ZNF439: variants seen among roughly 807,000 people sequenced by gnomAD.
ZNF439 encodes zinc finger protein 439.
ZNF439 carries 40 observed loss-of-function variants against 47.3 expected under a neutral mutation model. The ratio of observed to expected loss-of-function variants is 0.85; its 90% CI spans 0.66 to 1.10. ZNF439 has a LOEUF of 1.10. Among genes scored for constraint, ZNF439 ranks in the 50% least tolerant of loss-of-function variants. The pLI is 0.00. For missense variants in ZNF439, 556 were observed against 601.1 expected (o/e 0.93, Z 0.78); for synonymous variants, 171 against 198.8 (o/e 0.86, Z 1.18).
intron 1 of ZNF439, among the ~76,000 whole-genome samples, chr19:11,861,791 G>A (rs1036543278): frequency 9.2e-5 from 14 of 152,240 alleles, no homozygotes; most frequent in African/African-American, 2.2e-4. Context: ...GTCATTGAGC[G>A]CTTCTCCTTT....
At chr19:11,854,290 T>C (rs918853058) in intron 1 of ZNF439, among the ~76,000 whole-genome samples, 1 of 152,202 alleles carries the variant, frequency 6.6e-6, no homozygotes, top group Non-Finnish European at 1.5e-5. Context: ...GTTTTTGGTG[T>C]GACCAAGGAA....
At chr19:11,855,772 T>G (rs958547238) in intron 1 of ZNF439, among the ~76,000 whole-genome samples, 11 of 151,766 alleles carry the variant, frequency 7.2e-5, no homozygotes, top group African/African-American at 2.7e-4. Flanking sequence ...GCATCAGGGG[T>G]TTTTGCCTGT....
Position 11,867,427 on chromosome 19 carries a change from T to A in ZNF439, c.373T>A (p.Ser125Thr), listed in dbSNP as rs1283015378. 1 of 1,614,020 alleles carries A rather than the reference T, an allele frequency of 6.2e-7. No homozygotes were observed. The highest frequency in any genetic ancestry group is 1.7e-5 in the Admixed American group (1 of 60,004). The change falls in exon 4 of 4, where the codon TCA (serine) becomes ACA (threonine). Residue 125 changes from serine (S) to threonine (T), a missense_variant. By Grantham distance (58) the Ser-to-Thr change is moderately conservative. Coordinates refer to ENST00000682736, the MANE Select transcript of ZNF439 (RefSeq NM_001348719.2). ...QKKKASPEVK[S>T]CDSFVCEVGL... ...GAAGAAAGCTTCTCCTGAAGTAAAA[T>A]CATGTGACAGCTTTGTGTGTGAAGT...
At chr19:11,866,900 A>C (rs571439539) in intron 3 of ZNF439, among the ~76,000 whole-genome samples, 2 of 152,068 alleles carry the variant, frequency 1.3e-5, no homozygotes, top group Non-Finnish European at 2.9e-5. Flanking sequence ...TGTGGTATGC[A>C]TCCGTAGTCC....
intron 1 of ZNF439, chr19:11,850,068 CTTTG>C (rs1353736734): frequency 4.6e-5 from 7 of 152,150 alleles, no homozygotes; most frequent in African/African-American, 1.7e-4. Context: ...TGGGAAGGTA[CTTTG>C]TTTGTTTTTG....
chr19:11,849,393 C>T (rs1048787920), intron 1 of ZNF439: 3 of 722,104 alleles, frequency 4.2e-6, no homozygotes, highest in Non-Finnish European at 3.4e-6. Flanking sequence ...GGTTTGTCAA[C>T]GGAAAAAAAA....
Position 11,868,538 on chromosome 19 carries a change from A to G in ZNF439, c.1484A>G (p.His495Arg), listed in dbSNP as rs956262554. 6 of 1,612,078 alleles carry G rather than the reference A, an allele frequency of 3.7e-6. No homozygotes were observed. Among genetic ancestry groups the G allele is most frequent in the African/African-American group, 1.3e-5 (1 of 74,730 alleles). The change falls in exon 4 of 4, where the codon CAT becomes CGT. Residue 495 changes from histidine to arginine, a missense_variant. Physicochemically the swap from His to Arg is conservative, Grantham distance 29 (BLOSUM62 0). Coordinates refer to ENST00000682736, the MANE Select transcript of ZNF439 (RefSeq NM_001348719.2). ...NFRFHERTQT[H>R]KNALWRKTL ...CGATTTCATGAAAGGACACAAACAC[A>G]TAAGAATGCACTCTGGAGAAAGACC...
chr19:11,848,881 C>T lies in ZNF439; in HGVS notation c.14C>T (p.Thr5Ile). The change falls in exon 1 of 4, where the codon ACT (threonine) becomes ATT (isoleucine). Residue 5 changes from threonine (T) to isoleucine (I), a missense_variant. Coordinates refer to ENST00000682736, the MANE Select transcript of ZNF439 (RefSeq NM_001348719.2). The part of the protein sequence containing the change: MPCF[T>I]HRSCREDPGT... Reference sequence around the variant, plus strand: ...GTCACCTGCGCTATGCCCTGCTTTACTCACAGGAGCTGTAGAGAGGACCCC... The same window carrying T: ...GTCACCTGCGCTATGCCCTGCTTTATTCACAGGAGCTGTAGAGAGGACCCC... 1.3e-6 allele frequency: 2 copies of T among 1,571,614 alleles called. No homozygotes were observed. Among genetic ancestry groups the T allele is most frequent in the South Asian group, 1.1e-5 (1 of 90,530 alleles).
intron 1 of ZNF439, chr19:11,851,139 A>G (rs2145152453): frequency 6.6e-6 from 1 of 152,302 alleles, no homozygotes; most frequent in African/African-American, 2.4e-5. Flanking sequence ...AAGAAGAAGA[A>G]AGAAAGCTTC....
chr19:11,854,876 C>CA (rs1402929426), intron 1 of ZNF439, among the ~76,000 whole-genome samples: 14 of 152,128 alleles, frequency 9.2e-5, no homozygotes, highest in African/African-American at 3.4e-4. Context: ...TCTTAGCTGC[C>CA]AAAAAGACAT....
chr19:11,865,215 G>A (rs762952770), intron 1 of ZNF439, among the ~76,000 whole-genome samples: 1 of 152,156 alleles, frequency 6.6e-6, no homozygotes, highest in Non-Finnish European at 1.5e-5. Context: ...AGGTCGTATA[G>A]TGGTTAAATC....
rs183368203 is a variant in ZNF439, at chr19:11,868,682, G to T, written c.*113G>T. The T allele has an allele frequency of 7.8e-3, 9,226 of 1,184,868 alleles. 43 individuals carry two copies. Among genetic ancestry groups the T allele is most frequent in the Middle Eastern group, 0.01 (53 of 5,102 alleles). The allele number at this position is 1,184,868 out of a possible 1,614,324, so 73.4% of individuals were successfully genotyped here. On this transcript the variant is annotated 3_prime_UTR_variant, in exon 4 of 4. Transcript: ENST00000682736. Reference sequence around the variant, plus strand: ...CAAGCAATGTGGTAAAGCCTTAATTGTTCCAGTTCCTTTCGATATCTAAAA... The same window carrying T: ...CAAGCAATGTGGTAAAGCCTTAATTTTTCCAGTTCCTTTCGATATCTAAAA...
chr19:11,856,040 A>C (rs1196588425), intron 1 of ZNF439: 1 of 152,186 alleles, frequency 6.6e-6, no homozygotes, highest in Non-Finnish European at 1.5e-5. Context: ...ACACAAGCAT[A>C]CCTTCATCCC....
chr19:11,867,997 C>T lies in ZNF439; in HGVS notation c.943C>T (p.Pro315Ser), dbSNP rs756443166. 1.2e-6 allele frequency: 2 copies of T among 1,613,976 alleles called. No homozygotes were observed. The highest frequency in any genetic ancestry group is 1.7e-6 in the Non-Finnish European group (2 of 1,179,992). ...GGAATGTGGAAAAGCATTCATGTGT[C>T]CCCGTTATGTTCGTAGACATGAAAG... ...CKECGKAFMC[P>S]RYVRRHERTH... Residue 315 changes from proline (P) to serine (S), a missense_variant, in exon 4 of 4, where the codon CCC becomes TCC. Coordinates refer to ENST00000682736, the MANE Select transcript of ZNF439 (RefSeq NM_001348719.2).
Position 11,867,640 on chromosome 19 carries a change from T to A in ZNF439, c.586T>A (p.Cys196Ser). 2 of 1,614,028 alleles carry A rather than the reference T, an allele frequency of 1.2e-6. No individual in the cohort carries two copies. Among genetic ancestry groups the A allele is most frequent in the Non-Finnish European group, 1.7e-6 (2 of 1,179,980 alleles). ...TGKKPYACKECGKNIIYHSSI... is the reference protein window; with the variant it reads ...TGKKPYACKESGKNIIYHSSI... ...AAAGAAACCCTATGCTTGTAAAGAA[T>A]GTGGAAAAAACATTATTTACCATTC... is the stretch of plus-strand genomic sequence containing the variant. The change falls in exon 4 of 4, where the codon TGT becomes AGT. Residue 196 changes from cysteine (C) to serine (S), a missense_variant. By Grantham distance (112) the Cys-to-Ser change is moderately radical. Coordinates refer to ENST00000682736, the MANE Select transcript of ZNF439 (RefSeq NM_001348719.2).
intron 1 of ZNF439, among the ~76,000 whole-genome samples, chr19:11,853,591 A>C (rs2145157429): frequency 1.3e-5 from 2 of 152,344 alleles, no homozygotes; most frequent in Middle Eastern, 6.8e-3. Flanking sequence ...ACCTTCTGGC[A>C]GCAGAAGCAG....
At chr19:11,866,783 C>CT (rs1334068064) in intron 3 of ZNF439, among the ~76,000 whole-genome samples, 186 bp downstream of exon 3, 1 of 152,114 alleles carries the variant, frequency 6.6e-6, no homozygotes, top group Admixed American at 6.6e-5. Context: ...AATCCCAGTC[C>CT]TTTGAGACAT....
At chr19:11,858,419 T>C (rs951743157) in intron 1 of ZNF439, 2 of 145,328 alleles carry the variant, frequency 1.4e-5, no homozygotes, top group Admixed American at 7.1e-5. Context: ...TGAGCCGAGA[T>C]CGCACCACTG....
In ZNF439 at chr19:11,867,287, TG is replaced by T; in HGVS notation, c.252-18del. ...ACTTATAAACAAACTCTTCATAATT[TG>T]TTTCTCATTTTTGACAGGAGTGTCA... On this transcript the variant is annotated intron_variant, in intron 3 of 3. Transcript: ENST00000682736. 1 of 1,595,518 alleles carries T rather than the reference TG, an allele frequency of 6.3e-7. No homozygotes were observed. The highest frequency in any genetic ancestry group is 8.5e-7 in the Non-Finnish European group (1 of 1,175,490).
Sources: gnomAD v4.1 joint callset for allele counts (sites outside exome capture counted in the v4.1 genomes callset) on GRCh38, gnomAD v4.1.1 for gene constraint, MANE v1.5 for transcripts, NCBI Gene and HGNC (gene_info 2026-07-23, HGNC 2026-07-21) for gene names.